The following TMEM132B variants were observed in gnomAD, a reference collection of about 807,000 sequenced individuals.
TMEM132B encodes transmembrane protein 132B.
In TMEM132B, 18 loss-of-function variants were observed where a neutral mutation model predicts 90.8. That is an observed-to-expected ratio of 0.20 (90% CI 0.14 to 0.29). The LOEUF is 0.29. Ranked by LOEUF, TMEM132B falls within the 10% of genes least tolerant of loss-of-function variation. The pLI, the probability that TMEM132B is intolerant of heterozygous loss-of-function variation, is 1.00. For missense variants in TMEM132B, 1,096 were observed against 1,326.8 expected, an observed-to-expected ratio of 0.83 and a Z score of 2.70; for synonymous variants, 504 against 523.3, an observed-to-expected ratio of 0.96 and a Z score of 0.50.
intron 3 of TMEM132B, among the ~76,000 whole-genome samples, chr12:125,489,279 G>C (rs957569586): frequency 6.6e-6 from 1 of 152,122 alleles, no homozygotes; most frequent in Non-Finnish European, 1.5e-5. Flanking sequence ...GAAAACTGAG[G>C]CTGAGAGAAG....
intron 4 of TMEM132B, among the ~76,000 whole-genome samples, chr12:125,541,572 A>G (rs770005343): frequency 1.2e-4 from 19 of 152,166 alleles, no homozygotes; most frequent in Non-Finnish European, 2.8e-4. Flanking sequence ...GGACTTCTTA[A>G]GAGCCTTTAA....
At chr12:125,270,579 C>G (rs139959904) in intron 1 of TMEM132B, among the ~76,000 whole-genome samples, 5 of 152,310 alleles carry the variant, frequency 3.3e-5, no homozygotes, top group African/African-American at 1.2e-4. Flanking sequence ...GTGGTTACCA[C>G]TGTAGGCCTT....
intron 3 of TMEM132B, among the ~76,000 whole-genome samples, chr12:125,503,399 TC>T (rs1777375343): frequency 6.6e-6 from 1 of 152,240 alleles, no homozygotes; most frequent in Admixed American, 6.5e-5. Context: ...TTTTGCTTTT[TC>T]ATCCTATTGT....
At chr12:125,602,248 C>T (rs56066011) in intron 5 of TMEM132B, among the ~76,000 whole-genome samples, 2,226 of 152,262 alleles carry the variant, frequency 0.015, 59 homozygotes, top group African/African-American at 0.05. Flanking sequence ...AGCAGCACAT[C>T]AAAAAGCTTA....
At chr12:125,483,497 G>T (rs1308774172) in intron 3 of TMEM132B, among the ~76,000 whole-genome samples, 1 of 151,662 alleles carries the variant, frequency 6.6e-6, no homozygotes, top group Non-Finnish European at 1.5e-5. Flanking sequence ...TTGTTAATTG[G>T]TTGAGTTATT....
chr12:125,650,886 C>T lies in TMEM132B; in HGVS notation c.1847C>T (p.Pro616Leu), dbSNP rs149523266. Residue 616 changes from proline (P) to leucine (L), a missense_variant, in exon 7 of 9, where the codon CCG becomes CTG. Coordinates refer to ENST00000682704, the MANE Select transcript of TMEM132B (RefSeq NM_001366854.1). ...ACCGAGTTCATGAAGGTGGAGGAGCCGAAAATCGCTCAGTTACAGGACGGC... is the reference window on the plus strand; with the variant it reads ...ACCGAGTTCATGAAGGTGGAGGAGCTGAAAATCGCTCAGTTACAGGACGGC... ...LVTEFMKVEEPKIAQLQDGRT... is the reference protein window; with the variant it reads ...LVTEFMKVEELKIAQLQDGRT... 1.3e-5 allele frequency: 21 copies of T among 1,613,832 alleles called. No individual in the cohort carries two copies. The highest frequency in any genetic ancestry group is 1.7e-5 in the Non-Finnish European group (20 of 1,180,028).
intron 1 of TMEM132B, among the ~76,000 whole-genome samples, chr12:125,267,941 A>G (rs2136116293): frequency 6.6e-6 from 1 of 152,130 alleles, no homozygotes; most frequent in East Asian, 1.9e-4. Context: ...GGTGCTCTCT[A>G]CTCTAAAGGC....
chr12:125,189,371 T>A (rs781499071), intron 1 of TMEM132B, among the ~76,000 whole-genome samples: 4 of 152,174 alleles, frequency 2.6e-5, no homozygotes, highest in African/African-American at 4.8e-5. Context: ...GTCTAGGGTC[T>A]ATGAAATCAG....
chr12:125,471,196 A>G (rs550213609), intron 3 of TMEM132B, among the ~76,000 whole-genome samples: 94 of 152,110 alleles, frequency 6.2e-4, no homozygotes, highest in Admixed American at 4.6e-3. Context: ...TCTCTGTGTG[A>G]TCTCTCTATG....
intron 1 of TMEM132B, among the ~76,000 whole-genome samples, chr12:125,336,851 C>T (rs1219134031): frequency 6.6e-6 from 1 of 152,200 alleles, no homozygotes; most frequent in African/African-American, 2.4e-5. Flanking sequence ...CAGCTGCTTC[C>T]CAATCACACA....
At chr12:125,384,571 A>T (rs977846499) in intron 2 of TMEM132B, among the ~76,000 whole-genome samples, 2 of 152,236 alleles carry the variant, frequency 1.3e-5, no homozygotes, top group Non-Finnish European at 2.9e-5. Flanking sequence ...ATTTTGAAGC[A>T]TATAATGCAT....
intron 2 of TMEM132B, among the ~76,000 whole-genome samples, chr12:125,369,010 A>T (rs897180425): frequency 9.6e-5 from 14 of 146,048 alleles, no homozygotes; most frequent in Non-Finnish European, 3.0e-5. Context: ...TCCTAATGCT[A>T]TCCCTCCCCC....
intron 4 of TMEM132B, among the ~76,000 whole-genome samples, chr12:125,546,940 T>C (rs1241890495): frequency 1.3e-5 from 2 of 152,198 alleles, no homozygotes; most frequent in Non-Finnish European, 2.9e-5. Flanking sequence ...ACAATCATGT[T>C]GGAAGGCACC....
At chr12:125,579,363 C>T (rs1407743778) in intron 4 of TMEM132B, among the ~76,000 whole-genome samples, 71 of 144,978 alleles carry the variant, frequency 4.9e-4, no homozygotes, top group African/African-American at 1.7e-3. Flanking sequence ...CTCATACTTG[C>T]TTTTTTTTTT....
At chr12:125,344,795 G>A (rs1179894449) in intron 1 of TMEM132B, among the ~76,000 whole-genome samples, 2 of 152,062 alleles carry the variant, frequency 1.3e-5, no homozygotes, top group Non-Finnish European at 2.9e-5. Flanking sequence ...TGTGGGTGAT[G>A]AGCTTCCCCA....
chr12:125,598,500 T>C (rs1034889333), intron 5 of TMEM132B, among the ~76,000 whole-genome samples: 1 of 152,128 alleles, frequency 6.6e-6, no homozygotes, highest in African/African-American at 2.4e-5. Flanking sequence ...AAAACATGAA[T>C]TCTTTACAGA....
intron 6 of TMEM132B, 114 bp from the exon 7 acceptor site, chr12:125,650,568 AG>A: frequency 8.2e-7 from 1 of 1,226,878 alleles, no homozygotes; most frequent in South Asian, 1.5e-5. Context: ...CAGGTCCTGC[AG>A]GAGAAGGACC....
rs532997477 is a variant in TMEM132B, at chr12:125,582,144, A to G, written c.1294-1707A>G. On this transcript the variant is annotated intron_variant, in intron 4 of 8. Coordinates refer to ENST00000682704, the MANE Select transcript of TMEM132B (RefSeq NM_001366854.1). ...CAGGTTTAATATCAACAAAAAATAA[A>G]TCATCTATAAAATGGGAATAATATC... 1.5e-3 allele frequency among the ~76,000 whole-genome samples: 230 copies of G among 152,286 alleles called. 1 individual carries two copies. Among genetic ancestry groups the G allele is most frequent in the African/African-American group, 5.5e-3 (228 of 41,556 alleles).
intron 2 of TMEM132B, among the ~76,000 whole-genome samples, chr12:125,377,363 T>A (rs1461629583): frequency 1.3e-5 from 2 of 152,104 alleles, no homozygotes; most frequent in African/African-American, 4.8e-5. Flanking sequence ...CTTTGGATTG[T>A]GGGCTGGACT....
Sources: allele counts gnomAD v4.1 joint callset (sites outside exome capture counted in the v4.1 genomes callset), GRCh38; gene constraint gnomAD v4.1.1; transcripts MANE v1.5; gene names NCBI Gene and HGNC (gene_info 2026-07-23, HGNC 2026-07-21).